The following RALGAPA2 variants were observed in gnomAD, a reference collection of about 807,000 sequenced individuals.
RALGAPA2 encodes the protein Ral GTPase activating protein catalytic subunit alpha 2.
Under a neutral mutation model 230.4 loss-of-function variants are expected in RALGAPA2, and 139 were observed. The observed-to-expected ratio is 0.60, with a 90% CI of 0.53 to 0.69. The LOEUF (loss-of-function observed/expected upper bound fraction) is 0.69, where lower values mean the gene tolerates loss of function less well. RALGAPA2 is among the 30% of genes least tolerant of loss of function. The pLI is 0.00. For missense variants in RALGAPA2, 2,163 were observed against 2,276.0 expected, an observed-to-expected ratio of 0.95 and a Z score of 1.01; for synonymous variants, 847 against 837.8, an observed-to-expected ratio of 1.01 and a Z score of -0.19.
In RALGAPA2 at chr20:20,466,655, G is replaced by A. The variant is rs180701699; in HGVS notation, c.5495+6174C>T. Among the ~76,000 whole-genome samples the A allele has an allele frequency of 3.5e-4, 54 of 152,326 alleles. No individual in the cohort carries two copies. The East Asian group carries it at 3.7e-3, about 10-fold the overall frequency. ...TGAGGCTGCAGGAGCACAGGCCGTA[G>A]TTCCTGTGACTGGACCTCATGTTTC... On this transcript the variant is annotated intron_variant, in intron 37 of 39. Coordinates refer to ENST00000202677, the MANE Select transcript of RALGAPA2 (RefSeq NM_020343.4).
chr20:20,605,868 CT>C (rs2065803996), intron 14 of RALGAPA2, among the ~76,000 whole-genome samples: 1 of 152,142 alleles, frequency 6.6e-6, no homozygotes, highest in Non-Finnish European at 1.5e-5. Context: ...TCCCCTCAAC[CT>C]CTGCCCATGG....
At chr20:20,432,170 T>C (rs1433567262) in intron 37 of RALGAPA2, among the ~76,000 whole-genome samples, 1 of 152,200 alleles carries the variant, frequency 6.6e-6, no homozygotes. Context: ...GAGGAAGCTA[T>C]GTTTATTTTC....
At chr20:20,602,250 C>A (rs1351276908) in intron 15 of RALGAPA2, among the ~76,000 whole-genome samples, 1 of 152,196 alleles carries the variant, frequency 6.6e-6, no homozygotes, top group Non-Finnish European at 1.5e-5. Flanking sequence ...GTACTGCATC[C>A]TGTAGACACC....
intron 34 of RALGAPA2, among the ~76,000 whole-genome samples, chr20:20,504,024 C>T (rs2062456960): frequency 6.6e-6 from 1 of 152,190 alleles, no homozygotes; most frequent in African/African-American, 2.4e-5. Flanking sequence ...AAAGTTACGG[C>T]ATGAGTGTTC....
intron 1 of RALGAPA2, among the ~76,000 whole-genome samples, chr20:20,685,681 G>A (rs560248288): frequency 6.6e-6 from 1 of 152,288 alleles, no homozygotes; most frequent in South Asian, 2.1e-4. Context: ...GAGCAGGAGA[G>A]CCAGAGGAGA....
intron 37 of RALGAPA2, among the ~76,000 whole-genome samples, chr20:20,429,212 AC>A (rs1482519025): frequency 6.6e-6 from 1 of 152,114 alleles, no homozygotes; most frequent in East Asian, 1.9e-4. Flanking sequence ...CAGGGCTGAA[AC>A]TCAAACCCAG....
chr20:20,495,102 G>A lies in RALGAPA2; in HGVS notation c.5367+15C>T. On this transcript the variant is annotated intron_variant, in intron 36 of 39. Transcript: ENST00000202677. ...ATGCTTTATGAGTCAGTACAACAAT[G>A]CAATGAAAACGTACCTCAGGTTTCT... 6.3e-7 allele frequency: 1 copy of A among 1,587,616 alleles called. No individual in the cohort carries two copies. Among genetic ancestry groups the A allele is most frequent in the South Asian group, 1.1e-5 (1 of 89,416 alleles).
chr20:20,462,343 G>A (rs2061321811), intron 37 of RALGAPA2, among the ~76,000 whole-genome samples: 1 of 152,168 alleles, frequency 6.6e-6, no homozygotes, highest in Admixed American at 6.5e-5. Flanking sequence ...ATGTGTTAAA[G>A]CCATGTGCAA....
chr20:20,557,174 G>T (rs1273198236), intron 23 of RALGAPA2, among the ~76,000 whole-genome samples: 1 of 152,158 alleles, frequency 6.6e-6, no homozygotes, highest in East Asian at 1.9e-4. Flanking sequence ...GCCGGGCGTG[G>T]TGGTGGGCAC....
chr20:20,640,842 G>A lies in RALGAPA2; in HGVS notation c.409C>T (p.Leu137Phe). 2.5e-6 allele frequency: 4 copies of A among 1,613,626 alleles called. No individual in the cohort carries two copies. The highest frequency in any genetic ancestry group is 2.5e-6 in the Non-Finnish European group (3 of 1,179,714). The change falls in exon 6 of 40, where the codon CTT (leucine) becomes TTT (phenylalanine). Residue 137 changes from leucine (L) to phenylalanine (F), a missense_variant. Leu to Phe is a conservative substitution (Grantham distance 22, BLOSUM62 0). Transcript: ENST00000202677. Reference sequence around the variant, plus strand: ...GCACAGTTTGTCTGAAGTGCTTGAAGCCACAGAAGAAACAGCCTGATTCCT... The same window carrying A: ...GCACAGTTTGTCTGAAGTGCTTGAAACCACAGAAGAAACAGCCTGATTCCT... Reference protein sequence around the residue: ...CEGIRLFLLWLQALQTNCAEE... With the variant: ...CEGIRLFLLWFQALQTNCAEE...
chr20:20,587,716 T>C (rs1400737655), intron 18 of RALGAPA2, among the ~76,000 whole-genome samples: 3 of 152,032 alleles, frequency 2.0e-5, no homozygotes, highest in Non-Finnish European at 4.4e-5. Context: ...ATAAACCATA[T>C]ATTGGAAGAA....
Position 20,620,483 on chromosome 20 carries a change from A to G in RALGAPA2, c.1381T>C (p.Ser461Pro), listed in dbSNP as rs2066285967. 1 of 1,613,686 alleles carries G rather than the reference A, an allele frequency of 6.2e-7. No individual in the cohort carries two copies. The highest frequency in any genetic ancestry group is 8.5e-7 in the Non-Finnish European group (1 of 1,179,814). The change falls in exon 11 of 40, where the codon TCC becomes CCC. Residue 461 changes from serine to proline, a missense_variant. Transcript: ENST00000202677. ...ATTACCTCCTTGCTATCAGTCTCGG[A>G]AAATCCTAATTTTTCAGCATCTTCT... Reference protein sequence around the residue: ...AQEDAEKLGFSETDSKEASSE... With the variant: ...AQEDAEKLGFPETDSKEASSE...
intron 18 of RALGAPA2, among the ~76,000 whole-genome samples, chr20:20,587,647 G>A (rs992008559): frequency 8.6e-5 from 13 of 151,926 alleles, no homozygotes; most frequent in Non-Finnish European, 1.6e-4. Context: ...AATGATAATA[G>A]AGAATATCAA....
At chr20:20,406,586 A>G (rs1569367732) in intron 38 of RALGAPA2, among the ~76,000 whole-genome samples, 1 of 152,206 alleles carries the variant, frequency 6.6e-6, no homozygotes, top group Non-Finnish European at 1.5e-5. Context: ...GAGTTATTGA[A>G]TAGATGGTCA....
chr20:20,652,277 C>T (rs996786284), intron 4 of RALGAPA2, among the ~76,000 whole-genome samples: 3 of 152,018 alleles, frequency 2.0e-5, no homozygotes, highest in African/African-American at 7.2e-5. Flanking sequence ...ATTGATCTCC[C>T]ACCCAGAAAA....
At chr20:20,446,142 G>A (rs906855291) in intron 37 of RALGAPA2, among the ~76,000 whole-genome samples, 1 of 151,686 alleles carries the variant, frequency 6.6e-6, no homozygotes, top group African/African-American at 2.4e-5. Context: ...CCCAAACTGT[G>A]ACCTCTTTGG....
intron 35 of RALGAPA2, among the ~76,000 whole-genome samples, chr20:20,501,813 T>C (rs1269931292): frequency 6.6e-6 from 1 of 152,182 alleles, no homozygotes; most frequent in Non-Finnish European, 1.5e-5. Flanking sequence ...CTTGAATACT[T>C]TGAGGCCATC....
intron 37 of RALGAPA2, among the ~76,000 whole-genome samples, chr20:20,443,096 ATAGAT>A (rs1445552953): frequency 6.6e-6 from 1 of 152,244 alleles, no homozygotes; most frequent in African/African-American, 2.4e-5. Flanking sequence ...AGTCATTATT[ATAGAT>A]TAAAGAAAGG....
At chr20:20,427,172 A>C (rs993621416) in intron 37 of RALGAPA2, among the ~76,000 whole-genome samples, 1 of 152,190 alleles carries the variant, frequency 6.6e-6, no homozygotes. Context: ...GTTTTCATAG[A>C]AAGCTGAAGG....
Sources: gnomAD v4.1 joint callset for allele counts (sites outside exome capture counted in the v4.1 genomes callset) on GRCh38, gnomAD v4.1.1 for gene constraint, MANE v1.5 for transcripts, NCBI Gene and HGNC (gene_info 2026-07-23, HGNC 2026-07-21) for gene names.